KCTD6: variants seen among roughly 807,000 people sequenced by gnomAD.
KCTD6 encodes BTB/POZ domain-containing protein KCTD6.
Under a neutral mutation model 18.7 loss-of-function variants are expected in KCTD6, and 6 were observed. The observed-to-expected ratio is 0.32, with a 90% confidence interval of 0.18 to 0.63. The LOEUF (loss-of-function observed/expected upper bound fraction) is 0.63. KCTD6 is among the 30% of genes least tolerant of loss of function. The pLI, the probability that KCTD6 is intolerant of heterozygous loss-of-function variation, is 0.79. For missense variants in KCTD6, 165 were observed against 300.2 expected (o/e 0.55, Z 3.33); for synonymous variants, 86 against 108.5 (o/e 0.79, Z 1.29).
At position 58,501,805 on chromosome 3, in the gene KCTD6, G is replaced by A; in HGVS notation, c.*173G>A. On this transcript the variant is annotated 3_prime_UTR_variant, in exon 3 of 3. Coordinates refer to ENST00000404589, the MANE Select transcript of KCTD6 (RefSeq NM_001128214.2). This position sits in a 1 kb window ranked among gnomAD's most constrained non-coding sequence, Gnocchi z 9.7. ...GCTTTGGCAGACTCCTCCATGTTTT[G>A]TTCCCTTCCCCCTGAGTATGCATGT... The A allele has an allele frequency of 2.4e-6, 1 of 413,824 alleles. No homozygotes were observed. Among genetic ancestry groups the A allele is most frequent in the Non-Finnish European group, 4.3e-6 (1 of 234,580 alleles). 25.6% of individuals were successfully genotyped at this position (413,824 alleles called of 1,614,324 possible).
At position 58,497,280 on chromosome 3, in the gene KCTD6, GT is replaced by G. The variant is rs759885646; in HGVS notation, c.-43-1431del. ...TCAGCCCATGCTGTGCTATGCAAAT[GT>G]TCTCTACATGCCTGAGTGACCTTTT... On this transcript the variant is annotated intron_variant, in intron 1 of 2. Transcript: ENST00000404589. This position sits in a 1 kb window ranked among gnomAD's most constrained non-coding sequence, Gnocchi z 4.2. Among the ~76,000 whole-genome samples, 5 of 152,244 alleles carry G rather than the reference GT, an allele frequency of 3.3e-5. No homozygotes were observed. Among genetic ancestry groups the G allele is most frequent in the Non-Finnish European group, 5.9e-5 (4 of 68,044 alleles).
chr3:58,495,866 C>T (rs1339252031), intron 1 of KCTD6, among the ~76,000 whole-genome samples: 1 of 148,708 alleles, frequency 6.7e-6, no homozygotes, highest in Non-Finnish European at 1.5e-5. Context: ...TCAGGGACAT[C>T]GTCTAATTTT....
chr3:58,497,377 G>C lies in KCTD6; in HGVS notation c.-43-1336G>C, dbSNP rs772079838. Among the ~76,000 whole-genome samples, 1 of 152,218 alleles carries C rather than the reference G, an allele frequency of 6.6e-6. No individual in the cohort carries two copies. Among genetic ancestry groups the C allele is most frequent in the Non-Finnish European group, 1.5e-5 (1 of 68,038 alleles). On this transcript the variant is annotated intron_variant, in intron 1 of 2. Transcript: ENST00000404589. This position sits in a 1 kb window ranked among gnomAD's most constrained non-coding sequence, Gnocchi z 4.2. Reference sequence around the variant, plus strand: ...AATTCTGTGCCAGATTCCTCTAAAAGTGGGAAAAGTGAATCTGTTAAAGGA... The same window carrying C: ...AATTCTGTGCCAGATTCCTCTAAAACTGGGAAAAGTGAATCTGTTAAAGGA...
chr3:58,498,497 G>T lies in KCTD6; in HGVS notation c.-43-216G>T. On this transcript the variant is annotated intron_variant, in intron 1 of 2. Transcript: ENST00000404589. The surrounding 1 kb of genome is among the most constrained non-coding windows in gnomAD (Gnocchi z 4.6). ...TTCTCTGAAAATCTTCAGTCTCTTA[G>T]TTCCAGATGGGTTCTCTATGGTAAG... 1 of 468,588 alleles carries T rather than the reference G, an allele frequency of 2.1e-6. No homozygotes were observed. Among genetic ancestry groups the T allele is most frequent in the Non-Finnish European group, 3.7e-6 (1 of 270,246 alleles). 29.0% of individuals were successfully genotyped at this position (468,588 alleles called of 1,614,324 possible). A position where few individuals can be genotyped will look rare whatever the true frequency, so the allele number is the denominator to read the frequency against.
In KCTD6 at chr3:58,494,967, T is replaced by G. The variant is rs182391063; in HGVS notation, c.-44+2798T>G. Among the ~76,000 whole-genome samples, 34 of 152,338 alleles carry G rather than the reference T, an allele frequency of 2.2e-4. 1 individual carries two copies. Among genetic ancestry groups the G allele is most frequent in the Middle Eastern group, 3.4e-3 (1 of 294 alleles). On this transcript the variant is annotated intron_variant, in intron 1 of 2. Transcript: ENST00000404589. ...TCTTTGGGGAGTGGGCAGTGTTGTT[T>G]TCACAAGAATTTTATTTGCATCAAA...
rs140041602 is a variant in KCTD6, at chr3:58,501,529, C to G, written c.611C>G (p.Thr204Arg). Residue 204 changes from threonine (T) to arginine (R), a missense_variant, in exon 3 of 3, where the codon ACG becomes AGG. Thr to Arg is a moderately conservative substitution (Grantham distance 71). Around this residue, in one of 2 missense-constraint regions of KCTD6, gnomAD observed 106 missense variants for 230.4 expected, o/e 0.46. Transcript: ENST00000404589. This position sits in a 1 kb window ranked among gnomAD's most constrained non-coding sequence, Gnocchi z 9.7. ...LMEYITKQGF[T>R]IRNTRVHHMS... ...GAATACATTACAAAACAAGGTTTCA[C>G]GATCCGCAACACCCGGGTGCATCAC... The G allele has an allele frequency of 2.7e-6, 4 of 1,491,988 alleles. No individual in the cohort carries two copies. The highest frequency in any genetic ancestry group is 3.6e-6 in the Non-Finnish European group (4 of 1,123,220). 92.4% of individuals were successfully genotyped at this position (1,491,988 alleles called of 1,614,324 possible). A position where few individuals can be genotyped will look rare whatever the true frequency, so the allele number is the denominator to read the frequency against.
rs1429183075 is a variant in KCTD6, at chr3:58,498,453, T to C, written c.-43-260T>C. The C allele has an allele frequency of 8.9e-6, 3 of 336,498 alleles. No individual in the cohort carries two copies. Among genetic ancestry groups the C allele is most frequent in the African/African-American group, 6.5e-5 (3 of 46,256 alleles). The allele number at this position is 336,498 out of a possible 1,614,324, so 20.8% of individuals were successfully genotyped here. On this transcript the variant is annotated intron_variant, in intron 1 of 2. Coordinates refer to ENST00000404589, the MANE Select transcript of KCTD6 (RefSeq NM_001128214.2). The surrounding 1 kb of genome is among the most constrained non-coding windows in gnomAD (Gnocchi z 4.6). ...ACTTCCTAGACTCTTCCTCCTTCTC[T>C]TAAGTACAGTATAGTTCTTTCTCTG...
At position 58,501,775 on chromosome 3, in the gene KCTD6, T is replaced by G. The variant is rs1576980923; in HGVS notation, c.*143T>G. On this transcript the variant is annotated 3_prime_UTR_variant, in exon 3 of 3. Coordinates refer to ENST00000404589, the MANE Select transcript of KCTD6 (RefSeq NM_001128214.2). The surrounding 1 kb of genome is among the most constrained non-coding windows in gnomAD (Gnocchi z 9.7). ...AAGGCAGTGAGGACCAGAAGGAAGT[T>G]TTGTGCTTTGGCAGACTCCTCCATG... 1.3e-5 allele frequency: 7 copies of G among 522,868 alleles called. No homozygotes were observed. The East Asian group carries it at 2.5e-4, about 18-fold the overall frequency. 32.4% of individuals were successfully genotyped at this position (522,868 alleles called of 1,614,324 possible). A position where few individuals can be genotyped will look rare whatever the true frequency, so the allele number is the denominator to read the frequency against.
intron 2 of KCTD6, among the ~76,000 whole-genome samples, chr3:58,499,255 G>T (rs920141108): frequency 1.3e-5 from 2 of 152,174 alleles, no homozygotes; most frequent in East Asian, 3.8e-4. Context: ...ACTCAAAATG[G>T]ATTTTCCAAA....
At chr3:58,495,673 G>A (rs2063172267) in intron 1 of KCTD6, among the ~76,000 whole-genome samples, 1 of 152,132 alleles carries the variant, frequency 6.6e-6, no homozygotes, top group Non-Finnish European at 1.5e-5. Flanking sequence ...GTTATTGGAA[G>A]TGACTAATAG....
rs1327802195 is a variant in KCTD6 at position 58,492,499 on chromosome 3, G to C, written c.-44+330G>C. ...GCCCGCCCTACCCCTGGCCGGGTCG[G>C]GTTGCGGGGGCTTCGCTGGCGGGGC... On this transcript the variant is annotated intron_variant, in intron 1 of 2. Transcript: ENST00000404589. This position sits in a 1 kb window ranked among gnomAD's most constrained non-coding sequence, Gnocchi z 6.1. Among the ~76,000 whole-genome samples, 8 of 151,942 alleles carry C rather than the reference G, an allele frequency of 5.3e-5. No individual in the cohort carries two copies. The highest frequency in any genetic ancestry group is 1.0e-4 in the Non-Finnish European group (7 of 67,938).
At position 58,496,452 on chromosome 3, in the gene KCTD6, G is replaced by A. The variant is rs192179048; in HGVS notation, c.-43-2261G>A. On this transcript the variant is annotated intron_variant, in intron 1 of 2. Transcript: ENST00000404589. The surrounding 1 kb of genome is among the most constrained non-coding windows in gnomAD (Gnocchi z 5.1). The stretch of plus-strand genomic sequence containing the variant: ...GTTTTGCATCTTTAAGATGAGGATA[G>A]TAATCCCTGCTCGGCCTACTGGTAT... 2.6e-5 allele frequency among the ~76,000 whole-genome samples: 4 copies of A among 152,304 alleles called. No individual in the cohort carries two copies. The highest frequency in any genetic ancestry group is 9.6e-5 in the African/African-American group (4 of 41,560).
chr3:58,500,791 T>C (rs1171911059), intron 2 of KCTD6, among the ~76,000 whole-genome samples, 155 bp from the exon 3 acceptor site: 1 of 152,224 alleles, frequency 6.6e-6, no homozygotes, highest in African/African-American at 2.4e-5. Context: ...GGTGGGTTTA[T>C]TGCTGGTAGT....
In KCTD6 at chr3:58,498,223, C is replaced by G. The variant is rs900106330; in HGVS notation, c.-43-490C>G. On this transcript the variant is annotated intron_variant, in intron 1 of 2. Transcript: ENST00000404589. This position sits in a 1 kb window ranked among gnomAD's most constrained non-coding sequence, Gnocchi z 4.6. ...GTCTTGAACTCCTGACCTGGTGATC[C>G]TCCTGCCTCAGCCTCCCAAAGTGCT... 6.6e-6 allele frequency: 1 copy of G among 152,626 alleles called. No homozygotes were observed. The highest frequency in any genetic ancestry group is 1.5e-5 in the Non-Finnish European group (1 of 68,408). The allele number at this position is 152,626 out of a possible 1,614,324, so 9.5% of individuals were successfully genotyped here. A position where few individuals can be genotyped will look rare whatever the true frequency, so the allele number is the denominator to read the frequency against.
In KCTD6 at chr3:58,492,278, G is replaced by C. The variant is rs1212508747; in HGVS notation, c.-44+109G>C. The C allele has an allele frequency of 6.7e-6, 1 of 149,626 alleles. No homozygotes were observed. The highest frequency in any genetic ancestry group is 1.5e-5 in the Non-Finnish European group (1 of 67,068). The allele number at this position is 149,626 out of a possible 1,614,324, so 9.3% of individuals were successfully genotyped here. A position where few individuals can be genotyped will look rare whatever the true frequency, so the allele number is the denominator to read the frequency against. On this transcript the variant is annotated intron_variant, in intron 1 of 2. Transcript: ENST00000404589. This position sits in a 1 kb window ranked among gnomAD's most constrained non-coding sequence, Gnocchi z 6.1. The stretch of plus-strand genomic sequence containing the variant: ...GAGCGGGGCTGAGGAGGATCTGGGC[G>C]GGGGCTCCTGGAACGGGGCGGCGGC...
chr3:58,495,869 C>G (rs1203670458), intron 1 of KCTD6, among the ~76,000 whole-genome samples: 1 of 144,698 alleles, frequency 6.9e-6, no homozygotes, highest in African/African-American at 2.6e-5. Flanking sequence ...GGGACATCGT[C>G]TAATTTTTTT....
At position 58,502,317 on chromosome 3, in the gene KCTD6, G is replaced by GA. The variant is rs145239958; in HGVS notation, c.*695dup. 47,120 of 145,278 alleles carry GA rather than the reference G, an allele frequency of 0.32. 7,789 individuals carry two copies. The highest frequency in any genetic ancestry group is 0.39 in the Middle Eastern group (110 of 280). The allele number at this position is 145,278 out of a possible 1,614,324, so 9.0% of individuals were successfully genotyped here. Reference sequence around the variant, plus strand: ...TAATTCCCAAGTGTACTGTCTACCAGAAAAAAAAAACAAAACTAATAAAAA... The same window carrying GA: ...TAATTCCCAAGTGTACTGTCTACCAGAAAAAAAAAAACAAAACTAATAAAAA... On this transcript the variant is annotated 3_prime_UTR_variant, in exon 3 of 3. Coordinates refer to ENST00000404589, the MANE Select transcript of KCTD6 (RefSeq NM_001128214.2).
chr3:58,494,858 A>G (rs894769123), intron 1 of KCTD6, among the ~76,000 whole-genome samples: 3 of 152,230 alleles, frequency 2.0e-5, no homozygotes, highest in African/African-American at 7.2e-5. Flanking sequence ...ATTACCTGCT[A>G]ACATGACACT....
intron 2 of KCTD6, 48 bp from the exon 3 acceptor site, chr3:58,500,898 T>C (rs778952882): frequency 2.5e-6 from 3 of 1,198,916 alleles, no homozygotes. Flanking sequence ...TTGTCAAAGT[T>C]AGTATTTAAA....
Sources: allele counts gnomAD v4.1 joint callset (sites outside exome capture counted in the v4.1 genomes callset), GRCh38; gene constraint gnomAD v4.1.1; regional missense constraint gnomAD v4.1.1; non-coding constraint Gnocchi (gnomAD v3.1); transcripts MANE v1.5; gene names NCBI Gene and HGNC (gene_info 2026-07-23, HGNC 2026-07-21).